Variants in PHTF2 observed in about 807,000 individuals in gnomAD.
PHTF2 encodes the protein protein PHTF2.
Under a neutral mutation model 101.2 loss-of-function variants are expected in PHTF2, and 60 were observed. The observed-to-expected ratio is 0.59, with a 90% CI of 0.48 to 0.73. The LOEUF is 0.73. Among genes scored for constraint, PHTF2 ranks in the 30% least tolerant of loss-of-function variants. The probability of loss-of-function intolerance (pLI) is 0.00; values close to 1 mark genes in which losing one functional copy is unlikely to be tolerated. For missense variants in PHTF2, 747 were observed against 908.7 expected, an observed-to-expected ratio of 0.82 and a Z score of 2.29; for synonymous variants, 311 against 307.3, an observed-to-expected ratio of 1.01 and a Z score of -0.13.
At chr7:77,813,109 G>A (rs1793578429) in intron 1 of PHTF2, among the ~76,000 whole-genome samples, 1 of 152,136 alleles carries the variant, frequency 6.6e-6, no homozygotes, top group South Asian at 2.1e-4. Flanking sequence ...AGGCCTTCAA[G>A]CATTTTATCC....
chr7:77,815,935 G>A (rs563093968), intron 1 of PHTF2, among the ~76,000 whole-genome samples: 11 of 151,872 alleles, frequency 7.2e-5, no homozygotes, highest in East Asian at 3.9e-4. Flanking sequence ...GTTTTTTTCC[G>A]TTCTCTCTGT....
At chr7:77,811,413 A>G (rs1793431811) in intron 1 of PHTF2, among the ~76,000 whole-genome samples, 1 of 152,226 alleles carries the variant, frequency 6.6e-6, no homozygotes, top group South Asian at 2.1e-4. Flanking sequence ...ATACTTTTAA[A>G]TTATGTTAGT....
intron 5 of PHTF2, among the ~76,000 whole-genome samples, chr7:77,895,686 T>G (rs1463254550): frequency 6.6e-6 from 1 of 152,190 alleles, no homozygotes; most frequent in Non-Finnish European, 1.5e-5. Context: ...CTCCTCTTTT[T>G]TAAAAGAACT....
intron 3 of PHTF2, among the ~76,000 whole-genome samples, chr7:77,866,184 CAAAA>C (rs35744441): frequency 1.2e-5 from 1 of 82,404 alleles, no homozygotes; most frequent in Non-Finnish European, 2.6e-5. Context: ...ACTACCTCTC[CAAAA>C]AAAAAAAAAA....
At chr7:77,803,659 G>T (rs549531394) in intron 1 of PHTF2, among the ~76,000 whole-genome samples, 1 of 151,770 alleles carries the variant, frequency 6.6e-6, no homozygotes, top group Admixed American at 6.6e-5. Context: ...AAAAGTGGTT[G>T]TTGCAGTTAT....
intron 18 of PHTF2, among the ~76,000 whole-genome samples, chr7:77,952,407 G>T (rs1191841385): frequency 6.6e-6 from 1 of 152,152 alleles, no homozygotes; most frequent in Non-Finnish European, 1.5e-5. Context: ...AGTGTGAATT[G>T]GGTATAGACT....
At chr7:77,899,373 A>G (rs964662705) in intron 5 of PHTF2, among the ~76,000 whole-genome samples, 2 of 151,640 alleles carry the variant, frequency 1.3e-5, no homozygotes, top group African/African-American at 4.8e-5. Flanking sequence ...TTTTCACTCC[A>G]TGCGTGTCTG....
intron 3 of PHTF2, among the ~76,000 whole-genome samples, chr7:77,864,194 G>A (rs1171266806): frequency 1.3e-5 from 2 of 152,190 alleles, no homozygotes; most frequent in Non-Finnish European, 2.9e-5. Context: ...AAGTGTTACA[G>A]GAACTCACAT....
chr7:77,803,688 CGTGTGTGTGTGT>C lies in PHTF2; in HGVS notation c.-36+4744_-36+4755del, dbSNP rs34239792. On this transcript the variant is annotated intron_variant, in intron 1 of 19. Transcript: ENST00000416283. ...CAGTTATTTGACTGAGTTGAACAGG[CGTGTGTGTGTGT>C]GTGTGTGTGTGTGTGTGTGTGTGTG... Among the ~76,000 whole-genome samples, 243 of 140,958 alleles carry C rather than the reference CGTGTGTGTGTGT, an allele frequency of 1.7e-3. 6 individuals are homozygous for C. The South Asian group carries it at 0.033, about 19-fold the overall frequency. 92.5% of individuals were successfully genotyped at this position (140,958 alleles called of 152,430 possible).
At chr7:77,814,100 T>G (rs925604306) in intron 1 of PHTF2, among the ~76,000 whole-genome samples, 4 of 152,204 alleles carry the variant, frequency 2.6e-5, no homozygotes, top group African/African-American at 9.7e-5. Context: ...TCTACTTCAT[T>G]AACTTTCCAT....
intron 3 of PHTF2, among the ~76,000 whole-genome samples, chr7:77,870,043 C>G (rs756075449): frequency 1.3e-5 from 2 of 152,034 alleles, no homozygotes; most frequent in Non-Finnish European, 2.9e-5. Context: ...CAGGTTGTCT[C>G]TTCACTCTGT....
intron 9 of PHTF2, among the ~76,000 whole-genome samples, chr7:77,915,223 T>A (rs559135257): frequency 3.7e-4 from 55 of 148,022 alleles, no homozygotes; most frequent in African/African-American, 1.3e-3. Context: ...TTATTTTTTA[T>A]TTTTTATTGT....
chr7:77,954,767 G>T, intron 19 of PHTF2, 91 bp from the exon 19 acceptor site: 1 of 708,194 alleles, frequency 1.4e-6, no homozygotes, highest in Non-Finnish European at 2.4e-6. Flanking sequence ...GTTTGTGAAT[G>T]AAATTTGAAT....
chr7:77,926,237 A>G (rs568021043), intron 11 of PHTF2, among the ~76,000 whole-genome samples: 154 of 152,290 alleles, frequency 1.0e-3, no homozygotes, highest in African/African-American at 3.5e-3. Flanking sequence ...TCTTTATCAC[A>G]AGTTTTAAAT....
At chr7:77,872,858 C>CA (rs1380093173) in intron 3 of PHTF2, among the ~76,000 whole-genome samples, 1 of 152,144 alleles carries the variant, frequency 6.6e-6, no homozygotes, top group Non-Finnish European at 1.5e-5. Flanking sequence ...CAAGGGAGAT[C>CA]AGACATTTCT....
chr7:77,940,374 C>G, intron 14 of PHTF2, 72 bp downstream of exon 13: 3 of 1,381,174 alleles, frequency 2.2e-6, no homozygotes, highest in Non-Finnish European at 2.9e-6. Flanking sequence ...TCCTGAAGTA[C>G]TTTATTATTT....
chr7:77,896,286 C>G (rs1397221725), intron 5 of PHTF2, among the ~76,000 whole-genome samples: 1 of 152,176 alleles, frequency 6.6e-6, no homozygotes, highest in Non-Finnish European at 1.5e-5. Flanking sequence ...ATCAATTTAT[C>G]TGGCTCACAC....
intron 1 of PHTF2, among the ~76,000 whole-genome samples, chr7:77,817,068 T>C (rs983658127): frequency 6.6e-6 from 1 of 152,208 alleles, no homozygotes; most frequent in East Asian, 1.9e-4. Context: ...TTTTCTTTCC[T>C]TTGGATAAAA....
At chr7:77,932,338 C>A (rs1804642147) in intron 12 of PHTF2, among the ~76,000 whole-genome samples, 1 of 152,028 alleles carries the variant, frequency 6.6e-6, no homozygotes, top group Non-Finnish European at 1.5e-5. Context: ...GGAAGCTTAG[C>A]ATTTGACAGG....
Sources: allele counts gnomAD v4.1 joint callset (sites outside exome capture counted in the v4.1 genomes callset), GRCh38; gene constraint gnomAD v4.1.1; transcripts MANE v1.5; gene names NCBI Gene and HGNC (gene_info 2026-07-23, HGNC 2026-07-21).